MSH3: variants seen among roughly 807,000 people sequenced by gnomAD.
The protein encoded by MSH3 is mutS homolog 3, also known as DNA mismatch repair protein Msh3.
In MSH3, 106 loss-of-function variants were observed where a neutral mutation model predicts 123.3. The ratio of observed to expected loss-of-function variants is 0.86; its 90% CI spans 0.73 to 1.01. MSH3 has a LOEUF of 1.01. Ranked by LOEUF, MSH3 falls within the 50% of genes least tolerant of loss-of-function variation. The pLI is 0.00. For synonymous variants in MSH3, 515 were observed against 481.4 expected, an observed-to-expected ratio of 1.07 and a Z score of -0.91; for missense variants, 1,459 against 1,347.6, an observed-to-expected ratio of 1.08 and a Z score of -1.29.
At chr5:80,850,473 C>T (rs1321243041) in intron 20 of MSH3, among the ~76,000 whole-genome samples, 1 of 152,194 alleles carries the variant, frequency 6.6e-6, no homozygotes, top group Non-Finnish European at 1.5e-5. Flanking sequence ...ACTTACAGCT[C>T]CACATGGCTG....
chr5:80,836,836 C>T (rs766914703), intron 20 of MSH3, among the ~76,000 whole-genome samples: 1 of 151,584 alleles, frequency 6.6e-6, no homozygotes, highest in Non-Finnish European at 1.5e-5. Flanking sequence ...TTTCGATCCA[C>T]AGTTGATTGA....
At chr5:80,718,747 T>C (rs1016166799) in intron 8 of MSH3, among the ~76,000 whole-genome samples, 1 of 152,094 alleles carries the variant, frequency 6.6e-6, no homozygotes, top group African/African-American at 2.4e-5. Flanking sequence ...TGAGTAGCCA[T>C]TGATACTCAG....
chr5:80,793,193 A>G (rs1744638994), intron 19 of MSH3, among the ~76,000 whole-genome samples: 1 of 152,212 alleles, frequency 6.6e-6, no homozygotes, highest in African/African-American at 2.4e-5. Flanking sequence ...TACTGTGACT[A>G]TTTTCAGATA....
Position 80,665,311 on chromosome 5 carries a change from A to G in MSH3, c.527A>G (p.His176Arg). 6.2e-7 allele frequency: 1 copy of G among 1,613,664 alleles called. No homozygotes were observed. ...GATTTTGATGATATCAGTCTTCTACACGCAAAGAATGCAGTTTCTTCTGAA... is the reference window on the plus strand; with the variant it reads ...GATTTTGATGATATCAGTCTTCTACGCGCAAAGAATGCAGTTTCTTCTGAA... Reference protein sequence around the residue: ...CTDFDDISLLHAKNAVSSEDS... With the variant: ...CTDFDDISLLRAKNAVSSEDS... Residue 176 changes from histidine to arginine, a missense_variant, in exon 3 of 24, where the codon CAC becomes CGC. Transcript: ENST00000265081.
chr5:80,724,937 A>G (rs1743243089), intron 8 of MSH3, among the ~76,000 whole-genome samples: 1 of 152,126 alleles, frequency 6.6e-6, no homozygotes, highest in African/African-American at 2.4e-5. Context: ...GTACTTGGCC[A>G]GGCGCAGTGG....
chr5:80,671,478 T>G (rs1030518221), intron 4 of MSH3, among the ~76,000 whole-genome samples: 1 of 152,222 alleles, frequency 6.6e-6, no homozygotes. Context: ...TCTGAGATAA[T>G]GTCACCATGT....
rs568306356 is a variant in MSH3, at chr5:80,674,094, T to TA, written c.1028-887dup. Among the ~76,000 whole-genome samples the TA allele has an allele frequency of 1.5e-4, 23 of 152,362 alleles. No individual in the cohort carries two copies. In the South Asian group the frequency reaches 4.3e-3, roughly 29 times the overall value. ...AACTATTAACAGCCTTGTGTTGTTC[T>TA]AAGCTGATCAGGCTGTAAGAACCTG... On this transcript the variant is annotated intron_variant, in intron 6 of 23. Transcript: ENST00000265081.
At chr5:80,837,786 A>G (rs939574686) in intron 20 of MSH3, among the ~76,000 whole-genome samples, 2 of 152,242 alleles carry the variant, frequency 1.3e-5, no homozygotes, top group Non-Finnish European at 2.9e-5. Context: ...GACCCCAGAC[A>G]CAGCTTAGCT....
At chr5:80,696,045 C>A (rs897937491) in intron 8 of MSH3, among the ~76,000 whole-genome samples, 5 of 152,042 alleles carry the variant, frequency 3.3e-5, no homozygotes, top group African/African-American at 1.2e-4. Flanking sequence ...CCGTTGAAAC[C>A]CGAGGGAGAT....
At chr5:80,827,757 C>T (rs908737424) in intron 20 of MSH3, among the ~76,000 whole-genome samples, 4 of 152,064 alleles carry the variant, frequency 2.6e-5, no homozygotes, top group African/African-American at 9.7e-5. Flanking sequence ...AATTAGCTTC[C>T]TCAAAGTCAC....
chr5:80,728,864 T>A lies in MSH3; in HGVS notation c.1467T>A (p.Ile489=), dbSNP rs2112857823. 6.3e-7 allele frequency: 1 copy of A among 1,590,252 alleles called. No individual in the cohort carries two copies. Among genetic ancestry groups the A allele is most frequent in the South Asian group, 1.1e-5 (1 of 90,360 alleles). ...TCTGTTTTCTAGGTTCTCAAATTAT[T>A]TCTGGCATTGTTAACTTAGAGAAGC... ...DTVDIKGSQI[I]SGIVNLEKPV... Residue 489 remains isoleucine (I), a synonymous_variant, in exon 10 of 24, where the codon ATT becomes ATA. Coordinates refer to ENST00000265081, the MANE Select transcript of MSH3 (RefSeq NM_002439.5).
At chr5:80,849,352 C>A (rs1194369728) in intron 20 of MSH3, among the ~76,000 whole-genome samples, 1 of 152,178 alleles carries the variant, frequency 6.6e-6, no homozygotes, top group African/African-American at 2.4e-5. Context: ...TGGCCTTCTT[C>A]TCACAGTTCC....
At position 80,787,728 on chromosome 5, in the gene MSH3, CAATT is replaced by C. The variant is rs1274941065; in HGVS notation, c.2543+62_2543+65del. On this transcript the variant is annotated intron_variant, in intron 18 of 23. Coordinates refer to ENST00000265081, the MANE Select transcript of MSH3 (RefSeq NM_002439.5). The stretch of plus-strand genomic sequence containing the variant: ...GTGCTTTAGATAAGATGACATTATT[CAATT>C]AATTATAGTGTCTTTATTATAAAAT... The C allele has an allele frequency of 4.3e-6, 5 of 1,149,524 alleles. 1 individual carries two copies. In the African/African-American group the frequency reaches 6.1e-5, roughly 14 times the overall value. The allele number at this position is 1,149,524 out of a possible 1,614,324, so 71.2% of individuals were successfully genotyped here.
Position 80,787,558 on chromosome 5 carries a change from T to C in MSH3, c.2436-7T>C. 6.2e-7 allele frequency: 1 copy of C among 1,602,762 alleles called. No homozygotes were observed. The highest frequency in any genetic ancestry group is 8.5e-7 in the Non-Finnish European group (1 of 1,169,758). On this transcript the variant is annotated splice_polypyrimidine_tract_variant and splice_region_variant and intron_variant, in intron 17 of 23. Coordinates refer to ENST00000265081, the MANE Select transcript of MSH3 (RefSeq NM_002439.5). ...TCACCTTTTTGTTGTTGCTGCTGCTTCCGTAGGAAATTCAGTGAACATTAT... is the reference window on the plus strand; with the variant it reads ...TCACCTTTTTGTTGTTGCTGCTGCTCCCGTAGGAAATTCAGTGAACATTAT...
At chr5:80,765,670 T>C (rs1388381118) in intron 13 of MSH3, among the ~76,000 whole-genome samples, 2 of 152,256 alleles carry the variant, frequency 1.3e-5, no homozygotes, top group Non-Finnish European at 2.9e-5. Flanking sequence ...TAGAGCCTTC[T>C]AACTTGATCC....
intron 20 of MSH3, among the ~76,000 whole-genome samples, chr5:80,831,797 CA>C (rs1745422368): frequency 6.6e-6 from 1 of 151,826 alleles, no homozygotes; most frequent in African/African-American, 2.4e-5. Flanking sequence ...AGAAAGCACA[CA>C]AAATAAACTA....
intron 20 of MSH3, among the ~76,000 whole-genome samples, chr5:80,814,050 G>A (rs557694671): frequency 6.6e-6 from 1 of 151,528 alleles, no homozygotes; most frequent in South Asian, 2.1e-4. Flanking sequence ...ACCTGAGCCT[G>A]GGGAGGTTAA....
chr5:80,819,470 A>G (rs2431458), intron 20 of MSH3, among the ~76,000 whole-genome samples: 34,446 of 101,080 alleles, frequency 0.34, 4,345 homozygotes, highest in East Asian at 0.46. Context: ...GTGTGTGTAT[A>G]TATATATATA....
intron 20 of MSH3, among the ~76,000 whole-genome samples, chr5:80,818,578 A>T (rs1346568180): frequency 6.6e-6 from 1 of 152,114 alleles, no homozygotes. Flanking sequence ...TTGAGCACTG[A>T]CAGGGTATCT....
Sources: allele counts gnomAD v4.1 joint callset (sites outside exome capture counted in the v4.1 genomes callset), GRCh38; gene constraint gnomAD v4.1.1; transcripts MANE v1.5; gene names NCBI Gene and HGNC (gene_info 2026-07-23, HGNC 2026-07-21).